SYNPR: variants seen among roughly 807,000 people sequenced by gnomAD.
The protein encoded by SYNPR is synaptoporin.
In SYNPR, 23 loss-of-function variants were observed where a neutral mutation model predicts 32.9. The observed-to-expected ratio is 0.70, with a 90% CI of 0.50 to 0.99. SYNPR has a LOEUF of 0.99. Among genes scored for constraint, SYNPR ranks in the 50% least tolerant of loss-of-function variants. The pLI, the probability that SYNPR is intolerant of heterozygous loss-of-function variation, is 0.00. For missense variants in SYNPR, 318 were observed against 349.3 expected, an observed-to-expected ratio of 0.91 and a Z score of 0.71; for synonymous variants, 146 against 135.9, an observed-to-expected ratio of 1.07 and a Z score of -0.52.
At chr3:63,383,237 A>T (rs1220775650) in intron 2 of SYNPR, among the ~76,000 whole-genome samples, 1 of 152,230 alleles carries the variant, frequency 6.6e-6, no homozygotes, top group Non-Finnish European at 1.5e-5. Context: ...CGTTCTGAAC[A>T]AATTGATAAT....
chr3:63,528,679 G>A (rs1702059898), intron 3 of SYNPR, among the ~76,000 whole-genome samples: 1 of 151,794 alleles, frequency 6.6e-6, no homozygotes, highest in South Asian at 2.1e-4. Context: ...CCAGGGTTTT[G>A]TCTTTACTTC....
chr3:63,593,778 A>G (rs1008501003), intron 4 of SYNPR, among the ~76,000 whole-genome samples: 1 of 152,066 alleles, frequency 6.6e-6, no homozygotes, highest in African/African-American at 2.4e-5. Flanking sequence ...TTTTTGCAAA[A>G]TCCTGATTAA....
intron 3 of SYNPR, among the ~76,000 whole-genome samples, chr3:63,551,848 C>A (rs2106821605): frequency 6.6e-6 from 1 of 151,678 alleles, no homozygotes; most frequent in East Asian, 1.9e-4. Context: ...CTTTATTCCC[C>A]ACTCTAGCCC....
chr3:63,350,961 C>T (rs35245523), intron 2 of SYNPR, among the ~76,000 whole-genome samples: 20,541 of 152,170 alleles, frequency 0.13, 1,675 homozygotes, highest in Non-Finnish European at 0.18. Context: ...AGGAATCTGA[C>T]CCTCAGTTGG....
Position 63,615,605 on chromosome 3 carries a change from T to A in SYNPR, c.*124T>A. The A allele has an allele frequency of 7.6e-7, 1 of 1,307,960 alleles. No homozygotes were observed. Among genetic ancestry groups the A allele is most frequent in the Admixed American group, 2.9e-5 (1 of 34,628 alleles). The allele number at this position is 1,307,960 out of a possible 1,614,324, so 81.0% of individuals were successfully genotyped here. On this transcript the variant is annotated 3_prime_UTR_variant, in exon 6 of 6. Coordinates refer to ENST00000478300, the MANE Select transcript of SYNPR (RefSeq NM_001130003.2). Reference sequence around the variant, plus strand: ...GTATTGAATGTAAATCAGAGCTCTCTAGTCTTCATTAAGGCAGCAAGTCCT... The same window carrying A: ...GTATTGAATGTAAATCAGAGCTCTCAAGTCTTCATTAAGGCAGCAAGTCCT...
At chr3:63,595,666 T>C (rs1436688330) in intron 4 of SYNPR, among the ~76,000 whole-genome samples, 1 of 134,768 alleles carries the variant, frequency 7.4e-6, no homozygotes, top group African/African-American at 2.7e-5. Flanking sequence ...TTTTGCACGG[T>C]ACCTAGTGTG....
intron 2 of SYNPR, among the ~76,000 whole-genome samples, chr3:63,311,893 G>C (rs2086968263): frequency 6.6e-6 from 1 of 151,898 alleles, no homozygotes; most frequent in African/African-American, 2.4e-5. Flanking sequence ...CCTTGAGTAG[G>C]AATTAGGAGA....
chr3:63,284,370 T>C (rs1391949498), intron 2 of SYNPR, among the ~76,000 whole-genome samples: 1 of 152,214 alleles, frequency 6.6e-6, no homozygotes, highest in Non-Finnish European at 1.5e-5. Flanking sequence ...TGCATAGTTC[T>C]CCAACACAAT....
chr3:63,413,024 T>A (rs2088488430), intron 2 of SYNPR, among the ~76,000 whole-genome samples: 1 of 152,194 alleles, frequency 6.6e-6, no homozygotes, highest in Non-Finnish European at 1.5e-5. Flanking sequence ...AGTGTTCACG[T>A]CATTATCTTA....
At chr3:63,272,450 T>A (rs2086545024) in intron 3 of SYNPR, among the ~76,000 whole-genome samples, 1 of 152,024 alleles carries the variant, frequency 6.6e-6, no homozygotes, top group Admixed American at 6.6e-5. Context: ...TTGGGCTTTG[T>A]TTACATCACT....
intron 3 of SYNPR, among the ~76,000 whole-genome samples, chr3:63,520,325 G>A (rs1701881773): frequency 6.6e-6 from 1 of 152,130 alleles, no homozygotes; most frequent in Non-Finnish European, 1.5e-5. Flanking sequence ...CCATCTTCCA[G>A]GACAGCTGTA....
At chr3:63,371,239 C>A (rs1575613763) in intron 2 of SYNPR, among the ~76,000 whole-genome samples, 1 of 152,106 alleles carries the variant, frequency 6.6e-6, no homozygotes, top group East Asian at 1.9e-4. Flanking sequence ...TGAGCCCACC[C>A]CACAGGGGCC....
chr3:63,263,672 C>A (rs1281458096), intron 2 of SYNPR, among the ~76,000 whole-genome samples: 1 of 152,156 alleles, frequency 6.6e-6, no homozygotes, highest in Non-Finnish European at 1.5e-5. Context: ...AGTAGCTTGG[C>A]CACAGCTGAG....
intron 2 of SYNPR, among the ~76,000 whole-genome samples, chr3:63,396,050 C>T (rs2088208449): frequency 6.6e-6 from 1 of 152,174 alleles, no homozygotes; most frequent in African/African-American, 2.4e-5. Flanking sequence ...CACACAGGCA[C>T]AACCAACATC....
At chr3:63,208,844 A>C in the SYNPR span, among the ~76,000 whole-genome samples, 1 of 152,314 alleles carries the variant, frequency 6.6e-6, no homozygotes, top group Non-Finnish European at 1.5e-5. Context: ...ATTTGGTAGA[A>C]TACTAAAGGC....
chr3:63,388,109 G>C lies in SYNPR; in HGVS notation c.85-92723G>C, dbSNP rs138509592. Among the ~76,000 whole-genome samples, 80 of 152,232 alleles carry C rather than the reference G, an allele frequency of 5.3e-4. No individual in the cohort carries two copies. In the East Asian group the frequency reaches 0.015, roughly 28 times the overall value. On this transcript the variant is annotated intron_variant, in intron 2 of 5. Coordinates refer to ENST00000478300, the MANE Select transcript of SYNPR (RefSeq NM_001130003.2). ...CAGCTGGGGCGAGGGGCCTGAACTTGGGTACCCATTATCAGTTACTGAATG... is the reference window on the plus strand; with the variant it reads ...CAGCTGGGGCGAGGGGCCTGAACTTCGGTACCCATTATCAGTTACTGAATG...
chr3:63,443,206 G>C (rs575627270), intron 2 of SYNPR: 475 of 1,348,060 alleles, frequency 3.5e-4, no homozygotes, highest in Non-Finnish European at 4.2e-4. Context: ...CTCAGCTGTG[G>C]GTTGTCACTG....
At chr3:63,444,560 T>G (rs1469232919) in intron 2 of SYNPR, among the ~76,000 whole-genome samples, 1 of 152,176 alleles carries the variant, frequency 6.6e-6, no homozygotes, top group Admixed American at 6.6e-5. Context: ...TGACTATACA[T>G]TTTTCAGAGA....
At chr3:63,541,911 G>A (rs1429511669) in intron 3 of SYNPR, among the ~76,000 whole-genome samples, 1 of 152,090 alleles carries the variant, frequency 6.6e-6, no homozygotes, top group African/African-American at 2.4e-5. Flanking sequence ...ATAGAGGCAC[G>A]AGGTAGCAGC....
Sources: gnomAD v4.1 joint callset for allele counts (sites outside exome capture counted in the v4.1 genomes callset) on GRCh38, gnomAD v4.1.1 for gene constraint, MANE v1.5 for transcripts, NCBI Gene and HGNC (gene_info 2026-07-23, HGNC 2026-07-21) for gene names.